The following FAT3 variants were observed in gnomAD, a reference collection of about 807,000 sequenced individuals.
FAT3 encodes protocadherin Fat 3.
In FAT3, 95 loss-of-function variants were observed where a neutral mutation model predicts 310.2. The observed-to-expected ratio is 0.31, with a 90% CI of 0.26 to 0.36. The LOEUF (loss-of-function observed/expected upper bound fraction) is 0.36, where lower values mean the gene tolerates loss of function less well. FAT3 is among the 10% of genes least tolerant of loss of function. The pLI is 1.00. For missense variants in FAT3, 5,408 were observed against 5,715.6 expected, an observed-to-expected ratio of 0.95 and a Z score of 1.74; for synonymous variants, 2,314 against 2,192.9, an observed-to-expected ratio of 1.06 and a Z score of -1.54.
chr11:92,490,868 AC>A (rs1271767796), intron 2 of FAT3, among the ~76,000 whole-genome samples: 1 of 152,058 alleles, frequency 6.6e-6, no homozygotes, highest in East Asian at 1.9e-4. Flanking sequence ...TAATCCAGAA[AC>A]CTTACAAGAT....
rs538257665 is a variant in FAT3, at chr11:92,318,831, A to T, written c.-17-33265A>T. The stretch of plus-strand genomic sequence containing the variant: ...TCTTGCTTTGAGACACTGGCCAAGG[A>T]GGGTGTTTTGGTAGATGGTACAGGC... On this transcript the variant is annotated intron_variant, in intron 1 of 27. Coordinates refer to ENST00000525166, the MANE Select transcript of FAT3 (RefSeq NM_001367949.2). Among the ~76,000 whole-genome samples, 6 of 152,320 alleles carry T rather than the reference A, an allele frequency of 3.9e-5. No individual in the cohort carries two copies. The South Asian group carries it at 1.2e-3, about 32-fold the overall frequency.
intron 3 of FAT3, among the ~76,000 whole-genome samples, chr11:92,622,403 A>G (rs1941129130): frequency 2.0e-5 from 3 of 152,228 alleles, no homozygotes; most frequent in African/African-American, 4.8e-5. Flanking sequence ...AATAATCCCA[A>G]TAATACCTTG....
intron 2 of FAT3, among the ~76,000 whole-genome samples, chr11:92,445,064 T>C (rs1248302664): frequency 6.6e-6 from 1 of 152,164 alleles, no homozygotes; most frequent in Non-Finnish European, 1.5e-5. Context: ...GGGTAGAAGA[T>C]AGCCAAGAAG....
rs182556853 is a variant in FAT3 at position 92,548,221 on chromosome 11, C to G, written c.3607+23273C>G. 1.6e-4 allele frequency among the ~76,000 whole-genome samples: 25 copies of G among 152,252 alleles called. No homozygotes were observed. The East Asian group carries it at 4.5e-3, about 27-fold the overall frequency. ...TGACTTGTTACTTAGCTTCCCTAAG[C>G]CTTGTTGTGCCCCTCAGGAAAATGG... On this transcript the variant is annotated intron_variant, in intron 3 of 27. Transcript: ENST00000525166.
intron 2 of FAT3, among the ~76,000 whole-genome samples, chr11:92,516,461 A>G (rs1202034792): frequency 1.3e-5 from 2 of 152,176 alleles, no homozygotes; most frequent in East Asian, 3.8e-4. Context: ...AAAACACCCA[A>G]TAAACTAGGT....
intron 8 of FAT3, among the ~76,000 whole-genome samples, chr11:92,790,526 GT>G (rs1037523046): frequency 6.6e-6 from 1 of 152,162 alleles, no homozygotes; most frequent in Non-Finnish European, 1.5e-5. Flanking sequence ...TCTGGGGTTG[GT>G]TTGCACCCAG....
In FAT3 at chr11:92,405,230, C is replaced by G. The variant is rs142065556; in HGVS notation, c.3292+49826C>G. Among the ~76,000 whole-genome samples, 259 of 152,188 alleles carry G rather than the reference C, an allele frequency of 1.7e-3. 2 individuals carry two copies. Among genetic ancestry groups the G allele is most frequent in the African/African-American group, 6.0e-3 (251 of 41,542 alleles). ...TTTGGGGCATGGAGGTTGCTTCACT[C>G]TGATCATGGAGGATACTTTTCCAGT... On this transcript the variant is annotated intron_variant, in intron 2 of 27. Transcript: ENST00000525166.
intron 1 of FAT3, among the ~76,000 whole-genome samples, chr11:92,251,969 T>C (rs1865159363): frequency 6.6e-6 from 1 of 152,218 alleles, no homozygotes; most frequent in African/African-American, 2.4e-5. Context: ...TCTTTTCTTC[T>C]ATTTTGCTTT....
chr11:92,467,751 TG>T (rs1287745635), intron 2 of FAT3, among the ~76,000 whole-genome samples: 17 of 152,322 alleles, frequency 1.1e-4, no homozygotes, highest in Admixed American at 9.8e-4. Context: ...TCTTCTAATA[TG>T]GAGGCAATAG....
chr11:92,337,777 G>A (rs1338858635), intron 1 of FAT3, among the ~76,000 whole-genome samples: 1 of 152,210 alleles, frequency 6.6e-6, no homozygotes. Context: ...GATTATTCAA[G>A]TTCAAACCTC....
At chr11:92,858,993 G>A (rs1428997035) in intron 20 of FAT3, among the ~76,000 whole-genome samples, 172 bp from the exon 21 acceptor site, 1 of 152,180 alleles carries the variant, frequency 6.6e-6, no homozygotes, top group Non-Finnish European at 1.5e-5. Flanking sequence ...AGAGTGTGAT[G>A]TGAAATGGAA....
intron 1 of FAT3, among the ~76,000 whole-genome samples, chr11:92,263,641 A>G (rs192933042): frequency 0.011 from 1,475 of 140,276 alleles, 31 homozygotes; most frequent in African/African-American, 0.039. Flanking sequence ...GTGTGTGTAT[A>G]TATATATATA....
At chr11:92,575,000 C>A (rs1938398814) in intron 3 of FAT3, among the ~76,000 whole-genome samples, 1 of 152,144 alleles carries the variant, frequency 6.6e-6, no homozygotes, top group Non-Finnish European at 1.5e-5. Flanking sequence ...GGTCTGATGG[C>A]TTCAGAGCTC....
rs116369045 is a variant in FAT3, at chr11:92,626,755, G to A, written c.3608-70629G>A. 5.1e-3 allele frequency among the ~76,000 whole-genome samples: 774 copies of A among 152,314 alleles called. 8 individuals are homozygous for A. The highest frequency in any genetic ancestry group is 0.018 in the African/African-American group (732 of 41,580). On this transcript the variant is annotated intron_variant, in intron 3 of 27. Transcript: ENST00000525166. The stretch of plus-strand genomic sequence containing the variant: ...AACAAAGAGTTAAGGAAAGCCTAGA[G>A]TAAGTGAGATGGCTGTCACAGGGCT...
chr11:92,484,682 TG>T (rs1952324469), intron 2 of FAT3, among the ~76,000 whole-genome samples: 1 of 152,216 alleles, frequency 6.6e-6, no homozygotes, highest in Non-Finnish European at 1.5e-5. Flanking sequence ...CACAGCTTAT[TG>T]TTTGTAAGTT....
At chr11:92,362,917 A>T (rs10501782) in intron 2 of FAT3, among the ~76,000 whole-genome samples, 11,721 of 152,246 alleles carry the variant, frequency 0.077, 653 homozygotes, top group African/African-American at 0.15. Flanking sequence ...ATGCTTTTTT[A>T]ACAAGGTAAG....
intron 7 of FAT3, among the ~76,000 whole-genome samples, chr11:92,776,375 A>G (rs535260040): frequency 6.6e-6 from 1 of 152,362 alleles, no homozygotes; most frequent in East Asian, 1.9e-4. Flanking sequence ...TGATACTTTT[A>G]CTTTAGAATT....
At chr11:92,374,295 T>G (rs1303531667) in intron 2 of FAT3, among the ~76,000 whole-genome samples, 1 of 152,242 alleles carries the variant, frequency 6.6e-6, no homozygotes, top group Admixed American at 6.5e-5. Context: ...GTGGGGATGT[T>G]GCACTTAAAA....
At chr11:92,350,046 T>C (rs1419515147) in intron 1 of FAT3, among the ~76,000 whole-genome samples, 3 of 151,832 alleles carry the variant, frequency 2.0e-5, no homozygotes, top group Non-Finnish European at 4.4e-5. Flanking sequence ...TAGAGTCTGC[T>C]AGACTCTATC....
Sources: allele counts gnomAD v4.1 joint callset (sites outside exome capture counted in the v4.1 genomes callset), GRCh38; gene constraint gnomAD v4.1.1; transcripts MANE v1.5; gene names NCBI Gene and HGNC (gene_info 2026-07-23, HGNC 2026-07-21).